Variants in NCOR2 observed in about 807,000 individuals in gnomAD.
NCOR2 encodes nuclear receptor corepressor 2.
A neutral mutation model predicts 262.9 loss-of-function variants in NCOR2; 81 were observed. The ratio of observed to expected loss-of-function variants is 0.31; its 90% CI spans 0.26 to 0.37. The LOEUF (loss-of-function observed/expected upper bound fraction) is 0.37. NCOR2 is among the 10% of genes least tolerant of loss of function. The pLI is 1.00. For missense variants in NCOR2, 3,385 were observed against 3,621.4 expected, an observed-to-expected ratio of 0.93 and a Z score of 1.68; for synonymous variants, 1,659 against 1,559.3, an observed-to-expected ratio of 1.06 and a Z score of -1.51.
intron 23 of NCOR2, among the ~76,000 whole-genome samples, chr12:124,356,001 G>A (rs953121199): frequency 9.9e-5 from 15 of 152,230 alleles, no homozygotes; most frequent in East Asian, 1.9e-4. Flanking sequence ...CTTCAGGCTC[G>A]CCTGACCTGG....
intron 8 of NCOR2, 71 bp downstream of exon 10, chr12:124,437,859 T>A: frequency 7.0e-7 from 1 of 1,435,846 alleles, no homozygotes. Flanking sequence ...CCCCGGCAGG[T>A]GTGGCCCCCT....
intron 22 of NCOR2, among the ~76,000 whole-genome samples, chr12:124,358,934 C>T (rs1228184295): frequency 1.3e-5 from 2 of 152,382 alleles, no homozygotes; most frequent in East Asian, 3.9e-4. Flanking sequence ...GCCACCTGGT[C>T]AAAGGCCCCA....
chr12:124,335,797 G>A (rs975711954), intron 38 of NCOR2, 165 bp from the exon 41 acceptor site: 9 of 740,708 alleles, frequency 1.2e-5, no homozygotes, highest in African/African-American at 1.8e-5. Context: ...GAGGGGTGTT[G>A]GGGAGAGACA....
intron 15 of NCOR2, among the ~76,000 whole-genome samples, chr12:124,400,199 C>A (rs2041919718): frequency 6.6e-6 from 1 of 152,174 alleles, no homozygotes; most frequent in Non-Finnish European, 1.5e-5. Context: ...CTTCCTACAC[C>A]CCAGGCACTG....
chr12:124,541,578 A>G (rs1594039711), intron 1 of NCOR2, among the ~76,000 whole-genome samples: 1 of 11,720 alleles, frequency 8.5e-5, no homozygotes, highest in African/African-American at 5.0e-4. Flanking sequence ...TGGAGATTGA[A>G]GGGGATGGGA....
rs995431884 is a variant in NCOR2, at chr12:124,358,234, ATGTG to A, written c.3101-1456_3101-1453del. Among the ~76,000 whole-genome samples the A allele has an allele frequency of 3.5e-5, 5 of 144,142 alleles. 1 individual carries two copies. The highest frequency in any genetic ancestry group is 2.1e-4 in the East Asian group (1 of 4,844). The allele number at this position is 144,142 out of a possible 152,430, so 94.6% of individuals were successfully genotyped here. A position where few individuals can be genotyped will look rare whatever the true frequency, so the allele number is the denominator to read the frequency against. ...TGTGCATGTGTGTGTGAGTGCATGG[ATGTG>A]TGTATGTGCCTGTACACAATGTTGA... On this transcript the variant is annotated intron_variant, in intron 22 of 46. Coordinates refer to ENST00000405201, the Ensembl canonical transcript of NCOR2.
Position 124,501,045 on chromosome 12 carries a change from AGC to A in NCOR2, c.-117-5679_-117-5678del, listed in dbSNP as rs5801554. ...CCAGGCAGAGAGCGCCCACGGCACGAGCGCGCGCGCACGCGCGCACACACACA... is the reference window on the plus strand; with the variant it reads ...CCAGGCAGAGAGCGCCCACGGCACGAGCGCGCGCACGCGCGCACACACACA... On this transcript the variant is annotated intron_variant, in intron 1 of 46. Coordinates refer to the NCOR2 transcript ENST00000404621. Among the ~76,000 whole-genome samples, 36 of 137,068 alleles carry A rather than the reference AGC, an allele frequency of 2.6e-4. No homozygotes were observed. In the South Asian group the frequency reaches 3.9e-3, roughly 15 times the overall value. 89.9% of individuals were successfully genotyped at this position (137,068 alleles called of 152,430 possible).
At chr12:124,387,230 T>TCATTCATC (rs2040872198) in intron 16 of NCOR2, among the ~76,000 whole-genome samples, 1 of 116,862 alleles carries the variant, frequency 8.6e-6, no homozygotes, top group African/African-American at 3.9e-5. Flanking sequence ...ATTCATTCAT[T>TCATTCATC]CATCCACCCA....
chr12:124,479,215 C>T (rs886565696), intron 3 of NCOR2, among the ~76,000 whole-genome samples: 1 of 152,238 alleles, frequency 6.6e-6, no homozygotes, highest in Non-Finnish European at 1.5e-5. Context: ...TGCCTGCGCA[C>T]AAACACATGC....
chr12:124,405,684 C>T (rs897550255), intron 13 of NCOR2, among the ~76,000 whole-genome samples: 5 of 152,316 alleles, frequency 3.3e-5, no homozygotes, highest in African/African-American at 1.2e-4. Flanking sequence ...TGATTGAGGG[C>T]CGCTCATACT....
At chr12:124,358,742 T>G (rs2038229818) in intron 22 of NCOR2, among the ~76,000 whole-genome samples, 1 of 151,990 alleles carries the variant, frequency 6.6e-6, no homozygotes, top group South Asian at 2.1e-4. Flanking sequence ...GAAGCCAAGC[T>G]CAGGCAGGGC....
exon 41 of NCOR2, chr12:124,334,559 G>A: frequency 7.1e-7 from 1 of 1,417,294 alleles, no homozygotes; most frequent in Non-Finnish European, 9.2e-7. Context: ...GAGGGGGGCG[G>A]GCAGGGGTGC....
chr12:124,376,512 G>A (rs1004805940), intron 18 of NCOR2, among the ~76,000 whole-genome samples: 3 of 152,172 alleles, frequency 2.0e-5, no homozygotes, highest in Admixed American at 6.5e-5. Flanking sequence ...CAAGGGACTC[G>A]TGGCCCAGGC....
At chr12:124,557,055 G>C (rs113705387) in intron 1 of NCOR2, among the ~76,000 whole-genome samples, 1,652 of 152,322 alleles carry the variant, frequency 0.011, 30 homozygotes, top group African/African-American at 0.037. Flanking sequence ...CGCCGGGGCA[G>C]AGGGTAGAGC....
rs1448079640 is a variant in NCOR2, at chr12:124,471,907, A to G, written c.591+1045T>C. Among the ~76,000 whole-genome samples, 3 of 152,336 alleles carry G rather than the reference A, an allele frequency of 2.0e-5. No individual in the cohort carries two copies. In the East Asian group the frequency reaches 5.8e-4, roughly 29 times the overall value. On this transcript the variant is annotated intron_variant, in intron 4 of 46. Coordinates refer to ENST00000405201, the Ensembl canonical transcript of NCOR2. ...AAGGCCTAAACAGCAAATATTTTTG[A>G]CTTTGCAGGCCACACAGGTCTCTGT...
intron 38 of NCOR2, 30 bp downstream of exon 40, chr12:124,336,723 T>G (rs1437479477): frequency 1.9e-6 from 3 of 1,609,726 alleles, no homozygotes; most frequent in African/African-American, 1.3e-5. Flanking sequence ...ATCGCGTCTA[T>G]GAAGGTGGCC....
chr12:124,493,466 G>C (rs1295623890), intron 1 of NCOR2, among the ~76,000 whole-genome samples: 2 of 152,220 alleles, frequency 1.3e-5, no homozygotes, highest in African/African-American at 4.8e-5. Context: ...TGAGAATCTA[G>C]GAGACAGGTA....
chr12:124,367,288 GCCCAAACCCTTCTTGAGC>G (rs1310604306), intron 20 of NCOR2, among the ~76,000 whole-genome samples: 3 of 114,464 alleles, frequency 2.6e-5, no homozygotes, highest in Non-Finnish European at 6.0e-5. Context: ...ACACACAGAG[GCCCAAACCCTTCTTGAGC>G]CCCCAGAGCA....
chr12:124,377,620 C>G (rs2040106175), intron 18 of NCOR2, among the ~76,000 whole-genome samples: 1 of 152,074 alleles, frequency 6.6e-6, no homozygotes, highest in Non-Finnish European at 1.5e-5. Flanking sequence ...GGGCAGATCA[C>G]CTGAGGTCAG....
Sources: allele counts gnomAD v4.1 joint callset (sites outside exome capture counted in the v4.1 genomes callset), GRCh38; gene constraint gnomAD v4.1.1; transcripts MANE v1.5; gene names NCBI Gene and HGNC (gene_info 2026-07-23, HGNC 2026-07-21).